The following KCNIP4 variants were observed in gnomAD, a reference collection of about 807,000 sequenced individuals.
KCNIP4 encodes Kv channel-interacting protein 4.
KCNIP4 carries 12 observed loss-of-function variants against 34.0 expected under a neutral mutation model. The ratio of observed to expected loss-of-function variants is 0.35; its 90% CI spans 0.23 to 0.57. The LOEUF is 0.57. Among genes scored for constraint, KCNIP4 ranks in the 20% least tolerant of loss-of-function variants. KCNIP4 has a pLI of 0.83. For missense variants in KCNIP4, 238 were observed against 311.7 expected (o/e 0.76, Z 1.78); for synonymous variants, 124 against 102.2 (o/e 1.21, Z -1.29).
At chr4:20,864,045 C>CATGT (rs60717554) in intron 2 of KCNIP4, among the ~76,000 whole-genome samples, 71,024 of 134,178 alleles carry the variant, frequency 0.53, 19,828 homozygotes, top group African/African-American at 0.71. Context: ...TATGTATACG[C>CATGT]ATGTATGTAT....
intron 1 of KCNIP4, among the ~76,000 whole-genome samples, chr4:21,387,681 G>C (rs113616278): frequency 6.6e-6 from 1 of 152,096 alleles, no homozygotes; most frequent in Non-Finnish European, 1.5e-5. Flanking sequence ...GGACTATAAG[G>C]TTTTGTGGAC....
At chr4:21,006,294 A>T (rs999580034) in intron 1 of KCNIP4, among the ~76,000 whole-genome samples, 1 of 152,228 alleles carries the variant, frequency 6.6e-6, no homozygotes, top group African/African-American at 2.4e-5. Context: ...TACAAAGGAA[A>T]TAAAACAGGG....
chr4:21,357,990 TA>T (rs1395146880), intron 1 of KCNIP4, among the ~76,000 whole-genome samples: 4 of 152,092 alleles, frequency 2.6e-5, no homozygotes, highest in African/African-American at 9.7e-5. Flanking sequence ...TATGCAGCCA[TA>T]AAAAAGGATG....
chr4:21,872,663 A>T (rs1047801673), intron 1 of KCNIP4, among the ~76,000 whole-genome samples: 2 of 152,184 alleles, frequency 1.3e-5, no homozygotes, highest in African/African-American at 4.8e-5. Context: ...GTTACCATGA[A>T]TGTATTTCAC....
intron 1 of KCNIP4, among the ~76,000 whole-genome samples, chr4:21,426,466 A>C (rs1008110533): frequency 6.6e-6 from 1 of 152,248 alleles, no homozygotes; most frequent in Non-Finnish European, 1.5e-5. Flanking sequence ...CTTGGATAAA[A>C]TTGTCAAATA....
At chr4:21,307,866 T>C (rs1325358010) in intron 1 of KCNIP4, among the ~76,000 whole-genome samples, 9 of 152,170 alleles carry the variant, frequency 5.9e-5, no homozygotes, top group Non-Finnish European at 1.3e-4. Flanking sequence ...AATGTGAATA[T>C]GATTTGTGGT....
At chr4:21,002,611 A>G (rs567278440) in intron 1 of KCNIP4, among the ~76,000 whole-genome samples, 1 of 152,300 alleles carries the variant, frequency 6.6e-6, no homozygotes, top group East Asian at 1.9e-4. Flanking sequence ...GGCATCAGCA[A>G]TACGTGGGAG....
rs2109260593 is a variant in KCNIP4, at chr4:21,155,805, T to C, written c.62-273096A>G. ...TTTGTTAGATAAATGCATGTAAACGTTGGCAGAGGAGGGAAGAGTTGGCTA... is the reference window on the plus strand; with the variant it reads ...TTTGTTAGATAAATGCATGTAAACGCTGGCAGAGGAGGGAAGAGTTGGCTA... On this transcript the variant is annotated intron_variant, in intron 1 of 8. Coordinates refer to ENST00000382152, the MANE Select transcript of KCNIP4 (RefSeq NM_025221.6). Among the ~76,000 whole-genome samples, 6 of 152,326 alleles carry C rather than the reference T, an allele frequency of 3.9e-5. 1 individual carries two copies. The South Asian group carries it at 1.2e-3, about 32-fold the overall frequency.
At chr4:21,494,076 G>T (rs1732640562) in intron 1 of KCNIP4, among the ~76,000 whole-genome samples, 1 of 152,112 alleles carries the variant, frequency 6.6e-6, no homozygotes, top group African/African-American at 2.4e-5. Flanking sequence ...CCAATTTCAG[G>T]TTTAATCACA....
chr4:21,836,829 G>T (rs1244720001), intron 1 of KCNIP4, among the ~76,000 whole-genome samples: 3 of 151,904 alleles, frequency 2.0e-5, no homozygotes, highest in Non-Finnish European at 2.9e-5. Flanking sequence ...GCTTAATCTA[G>T]GAGCCAGATG....
rs548046360 is a variant in KCNIP4 at position 21,307,134 on chromosome 4, C to T, written c.62-424425G>A. Among the ~76,000 whole-genome samples the T allele has an allele frequency of 1.3e-3, 203 of 152,128 alleles. 1 individual carries two copies. Among genetic ancestry groups the T allele is most frequent in the Non-Finnish European group, 2.2e-3 (149 of 68,002 alleles). ...ACTGTGCCTGGCAACCGTGCCGGGC[C>T]GGCAGGAACTATTGAAGAGCATCAG... On this transcript the variant is annotated intron_variant, in intron 1 of 8. Transcript: ENST00000382152.
chr4:20,962,487 G>A (rs1175149698), intron 1 of KCNIP4, among the ~76,000 whole-genome samples: 1 of 152,166 alleles, frequency 6.6e-6, no homozygotes, highest in Non-Finnish European at 1.5e-5. Context: ...GGGTAAAGGT[G>A]ATGTTATTTA....
intron 1 of KCNIP4, among the ~76,000 whole-genome samples, chr4:20,978,515 G>T (rs1288009024): frequency 6.6e-6 from 1 of 152,176 alleles, no homozygotes; most frequent in Non-Finnish European, 1.5e-5. Context: ...TTTTATCGTT[G>T]TTCCAGGAAT....
At chr4:21,766,124 G>C (rs1453442890) in intron 1 of KCNIP4, among the ~76,000 whole-genome samples, 1 of 152,076 alleles carries the variant, frequency 6.6e-6, no homozygotes, top group Non-Finnish European at 1.5e-5. Context: ...GGAAGAATAG[G>C]AAAACTCAGA....
intron 1 of KCNIP4, among the ~76,000 whole-genome samples, chr4:21,311,827 A>G (rs1713220351): frequency 6.6e-6 from 1 of 152,224 alleles, no homozygotes. Flanking sequence ...ACATCAGATT[A>G]CAGATTCTAC....
Position 21,869,330 on chromosome 4 carries a change from T to A in KCNIP4, c.61+79241A>T, listed in dbSNP as rs573477899. 7.9e-5 allele frequency among the ~76,000 whole-genome samples: 12 copies of A among 152,270 alleles called. No homozygotes were observed. In the South Asian group the frequency reaches 2.5e-3, roughly 32 times the overall value. ...CTTTTCCTTTATTCTCCAGAGCACA[T>A]CCTCTACCCAGTAGGCTCCTAGAAG... On this transcript the variant is annotated intron_variant, in intron 1 of 8. Transcript: ENST00000382152.
At chr4:21,370,225 G>A (rs1720203335) in intron 1 of KCNIP4, among the ~76,000 whole-genome samples, 1 of 147,406 alleles carries the variant, frequency 6.8e-6, no homozygotes. Context: ...ATATTGAGGT[G>A]TATTAAAGAC....
chr4:20,986,950 G>A (rs751522526), intron 1 of KCNIP4, among the ~76,000 whole-genome samples: 1 of 152,084 alleles, frequency 6.6e-6, no homozygotes, highest in Non-Finnish European at 1.5e-5. Flanking sequence ...TCTCTCAGCT[G>A]TGGCTACCGG....
chr4:21,663,435 G>A (rs1021268027), intron 1 of KCNIP4, among the ~76,000 whole-genome samples: 2 of 152,104 alleles, frequency 1.3e-5, no homozygotes, highest in African/African-American at 4.8e-5. Flanking sequence ...TAAGCCTTTG[G>A]GAGCACCGTG....
Sources: allele counts gnomAD v4.1 joint callset (sites outside exome capture counted in the v4.1 genomes callset), GRCh38; gene constraint gnomAD v4.1.1; transcripts MANE v1.5; gene names NCBI Gene and HGNC (gene_info 2026-07-23, HGNC 2026-07-21).